The following KCNQ1 variants were observed in gnomAD, a reference collection of about 807,000 sequenced individuals.
The protein encoded by KCNQ1 is potassium voltage-gated channel subfamily Q member 1.
KCNQ1 carries 49 observed loss-of-function variants against 72.4 expected under a neutral mutation model. That is an observed-to-expected ratio of 0.68 (90% confidence interval 0.54 to 0.86). The LOEUF is 0.86. Ranked by LOEUF, KCNQ1 falls within the 40% of genes least tolerant of loss-of-function variation. KCNQ1 has a pLI of 0.00. For synonymous variants in KCNQ1, 450 were observed against 412.6 expected, an observed-to-expected ratio of 1.09 and a Z score of -1.10; for missense variants, 790 against 945.1, an observed-to-expected ratio of 0.84 and a Z score of 2.15.
chr11:2,524,316 A>G (rs1589928919), intron 1 of KCNQ1, among the ~76,000 whole-genome samples: 1 of 152,150 alleles, frequency 6.6e-6, no homozygotes, highest in South Asian at 2.1e-4. Flanking sequence ...GCCTCCAGGG[A>G]CCCCAGCCAT....
At chr11:2,589,662 C>A (rs564387938) in intron 10 of KCNQ1, among the ~76,000 whole-genome samples, 103 of 152,286 alleles carry the variant, frequency 6.8e-4, no homozygotes, top group African/African-American at 2.4e-3. Context: ...ACGGCAGGAA[C>A]ACAGCAGTGT....
intron 2 of KCNQ1, among the ~76,000 whole-genome samples, chr11:2,532,570 C>T (rs1021481705): frequency 6.6e-6 from 1 of 152,168 alleles, no homozygotes; most frequent in African/African-American, 2.4e-5. Flanking sequence ...TGTACAGACA[C>T]ATCAGGGCCG....
At chr11:2,476,139 G>A (rs867090684) in intron 1 of KCNQ1, among the ~76,000 whole-genome samples, 1 of 152,154 alleles carries the variant, frequency 6.6e-6, no homozygotes, top group African/African-American at 2.4e-5. Context: ...ATCAAACTTT[G>A]TAACTTAAAA....
In KCNQ1 at chr11:2,703,468, T is replaced by C. The variant is rs574489956; in HGVS notation, c.1514+41387T>C. On this transcript the variant is annotated intron_variant, in intron 11 of 15. Coordinates refer to ENST00000155840, the MANE Select transcript of KCNQ1 (RefSeq NM_000218.3). The surrounding 1 kb of genome is among the most constrained non-coding windows in gnomAD (Gnocchi z 6.4). The stretch of plus-strand genomic sequence containing the variant: ...CTCTTTGGGGTTCAAAAGGTTCCCT[T>C]GCAAGCCTGTGCACCCGAGAGCACG... Among the ~76,000 whole-genome samples, 1 of 152,304 alleles carries C rather than the reference T, an allele frequency of 6.6e-6. No homozygotes were observed. Among genetic ancestry groups the C allele is most frequent in the Admixed American group, 6.5e-5 (1 of 15,300 alleles).
Position 2,451,863 on chromosome 11 carries a change from ACCCAGAAGCCCTTAGGATG to A in KCNQ1, c.386+6400_386+6418del, listed in dbSNP as rs1333404161. ...GCCACACCCAGAAAGCCCTCAGGAC[ACCCAGAAGCCCTTAGGATG>A]CCCAGAAGCCCTTAGGATGCTGTGG... On this transcript the variant is annotated intron_variant, in intron 1 of 15. Coordinates refer to ENST00000155840, the MANE Select transcript of KCNQ1 (RefSeq NM_000218.3). The surrounding 1 kb of genome is among the most constrained non-coding windows in gnomAD (Gnocchi z 6.4). Among the ~76,000 whole-genome samples, 4 of 152,144 alleles carry A rather than the reference ACCCAGAAGCCCTTAGGATG, an allele frequency of 2.6e-5. No homozygotes were observed. The highest frequency in any genetic ancestry group is 9.7e-5 in the African/African-American group (4 of 41,420).
rs555966605 is a variant in KCNQ1 at position 2,776,227 on chromosome 11, C to T, written c.1685+173C>T. Among the ~76,000 whole-genome samples the T allele has an allele frequency of 3.3e-3, 506 of 152,268 alleles. 3 individuals are homozygous for T. Among genetic ancestry groups the T allele is most frequent in the African/African-American group, 0.012 (482 of 41,558 alleles). ...CCTGCAGAGGGAGGGCAGCTGGCCA[C>T]GGCCACGGTTCACAGCCAGCCCACC... is the stretch of plus-strand genomic sequence containing the variant. On this transcript the variant is annotated intron_variant, in intron 13 of 15. Transcript: ENST00000155840.
At position 2,677,819 on chromosome 11, in the gene KCNQ1, G is replaced by C; in HGVS notation, c.1514+15738G>C. On this transcript the variant is annotated intron_variant, in intron 11 of 15. Coordinates refer to ENST00000155840, the MANE Select transcript of KCNQ1 (RefSeq NM_000218.3). This position sits in a 1 kb window ranked among gnomAD's most constrained non-coding sequence, Gnocchi z 4.5. ...GGATTAAAATGTTCATTTATGTTGT[G>C]ATAGATACTGCCAAATAAGGGCTGT... 2.5e-6 allele frequency: 1 copy of C among 398,392 alleles called. No homozygotes were observed. The highest frequency in any genetic ancestry group is 3.6e-5 in the East Asian group (1 of 28,038). The allele number at this position is 398,392 out of a possible 1,614,324, so 24.7% of individuals were successfully genotyped here.
chr11:2,501,222 A>G (rs1847004790), intron 1 of KCNQ1, among the ~76,000 whole-genome samples: 1 of 148,016 alleles, frequency 6.8e-6, no homozygotes, highest in Non-Finnish European at 1.5e-5. Context: ...AAAACAAGAC[A>G]AAAGATCAAC....
intron 8 of KCNQ1, 84 bp downstream of exon 8, chr11:2,585,391 C>A: frequency 8.3e-7 from 1 of 1,201,470 alleles, no homozygotes; most frequent in Non-Finnish European, 1.2e-6. Flanking sequence ...CTGTCAGAAC[C>A]ATCATTGGCC....
intron 15 of KCNQ1, among the ~76,000 whole-genome samples, chr11:2,791,218 G>A (rs1326343664): frequency 1.3e-5 from 2 of 152,234 alleles, no homozygotes; most frequent in Non-Finnish European, 2.9e-5. Flanking sequence ...CGAGCAGGAC[G>A]GTGGCCGGAG....
At chr11:2,845,020 C>A (rs1047224195) in intron 15 of KCNQ1, among the ~76,000 whole-genome samples, 2 of 152,210 alleles carry the variant, frequency 1.3e-5, no homozygotes, top group African/African-American at 4.8e-5. Context: ...ATCTGCTACG[C>A]TCTCGTAGGT....
In KCNQ1 at chr11:2,530,551, C is replaced by G. The variant is rs756971713; in HGVS notation, c.477+2533C>G. ...TGTGTACATGTGTGTATGTGAGTGC[C>G]CACATGCACGGGAATGTGTACACGC... On this transcript the variant is annotated intron_variant, in intron 2 of 15. Transcript: ENST00000155840. 4.5e-4 allele frequency among the ~76,000 whole-genome samples: 68 copies of G among 152,198 alleles called. 1 individual carries two copies. The highest frequency in any genetic ancestry group is 5.3e-4 in the Non-Finnish European group (36 of 68,024).
At position 2,697,128 on chromosome 11, in the gene KCNQ1, A is replaced by G. The variant is rs149918584; in HGVS notation, c.1514+35047A>G. The stretch of plus-strand genomic sequence containing the variant: ...CTCACAAAGATAAAGAGTTTTCCAG[A>G]GGCAGCACACCATGACCCCAGTGGA... On this transcript the variant is annotated intron_variant, in intron 11 of 15. Transcript: ENST00000155840. 28 of 398,634 alleles carry G rather than the reference A, an allele frequency of 7.0e-5. 1 individual carries two copies. The East Asian group carries it at 1.0e-3, about 14-fold the overall frequency. 24.7% of individuals were successfully genotyped at this position (398,634 alleles called of 1,614,324 possible).
intron 10 of KCNQ1, chr11:2,614,042 C>CTA: frequency 2.5e-6 from 1 of 398,590 alleles, no homozygotes; most frequent in Non-Finnish European, 4.4e-6. Flanking sequence ...TGTGACTGTG[C>CTA]TATAACCTTT....
rs1848692578 is a variant in KCNQ1 at position 2,593,228 on chromosome 11, C to T, written c.1393+4374C>T. Among the ~76,000 whole-genome samples the T allele has an allele frequency of 2.0e-5, 3 of 152,316 alleles. No individual in the cohort carries two copies. Among genetic ancestry groups the T allele is most frequent in the South Asian group, 2.1e-4 (1 of 4,822 alleles). ...GGCAGGTTGTCAGAGTAGGGCTGGCCGGAGGTGGCCTCCTGAATGCCCCTA... is the reference window on the plus strand; with the variant it reads ...GGCAGGTTGTCAGAGTAGGGCTGGCTGGAGGTGGCCTCCTGAATGCCCCTA... On this transcript the variant is annotated intron_variant, in intron 10 of 15. Coordinates refer to ENST00000155840, the MANE Select transcript of KCNQ1 (RefSeq NM_000218.3). The surrounding 1 kb of genome is among the most constrained non-coding windows in gnomAD (Gnocchi z 6.9).
rs1488219740 is a variant in KCNQ1 at position 2,683,680 on chromosome 11, G to A, written c.1514+21599G>A. ...TACTTTCCCATCTCAATACAACTGTGAAAAGCCTAGCCTGGGACTCAGGCC... is the reference window on the plus strand; with the variant it reads ...TACTTTCCCATCTCAATACAACTGTAAAAAGCCTAGCCTGGGACTCAGGCC... On this transcript the variant is annotated intron_variant, in intron 11 of 15. Coordinates refer to ENST00000155840, the MANE Select transcript of KCNQ1 (RefSeq NM_000218.3). The surrounding 1 kb of genome is among the most constrained non-coding windows in gnomAD (Gnocchi z 4.7). 7.5e-6 allele frequency: 3 copies of A among 398,486 alleles called. No individual in the cohort carries two copies. Among genetic ancestry groups the A allele is most frequent in the Non-Finnish European group, 1.3e-5 (3 of 226,084 alleles). 24.7% of individuals were successfully genotyped at this position (398,486 alleles called of 1,614,324 possible). A position where few individuals can be genotyped will look rare whatever the true frequency, so the allele number is the denominator to read the frequency against.
At chr11:2,774,450 G>A (rs966419186) in intron 12 of KCNQ1, among the ~76,000 whole-genome samples, 1 of 152,268 alleles carries the variant, frequency 6.6e-6, no homozygotes, top group African/African-American at 2.4e-5. Flanking sequence ...AGGATCTCCC[G>A]TTCAGGGCCC....
Position 2,613,507 on chromosome 11 carries a change from G to A in KCNQ1, c.1393+24653G>A, listed in dbSNP as rs1371534391. 2 of 398,494 alleles carry A rather than the reference G, an allele frequency of 5.0e-6. No homozygotes were observed. The highest frequency in any genetic ancestry group is 8.8e-6 in the Non-Finnish European group (2 of 226,042). The allele number at this position is 398,494 out of a possible 1,614,324, so 24.7% of individuals were successfully genotyped here. A position where few individuals can be genotyped will look rare whatever the true frequency, so the allele number is the denominator to read the frequency against. The stretch of plus-strand genomic sequence containing the variant: ...TCAAGCCTACCGTGCCCCTGAGCTT[G>A]GGTGGGGAGATGGCAGCCCCACGTT... On this transcript the variant is annotated intron_variant, in intron 10 of 15. Coordinates refer to ENST00000155840, the MANE Select transcript of KCNQ1 (RefSeq NM_000218.3). The surrounding 1 kb of genome is among the most constrained non-coding windows in gnomAD (Gnocchi z 4.8).
chr11:2,742,261 C>G (rs1372238700), intron 11 of KCNQ1, among the ~76,000 whole-genome samples: 1 of 152,218 alleles, frequency 6.6e-6, no homozygotes, highest in Non-Finnish European at 1.5e-5. Flanking sequence ...GAATCAGCCT[C>G]TATGAGATGG....
Sources: allele counts gnomAD v4.1 joint callset (sites outside exome capture counted in the v4.1 genomes callset), GRCh38; gene constraint gnomAD v4.1.1; non-coding constraint Gnocchi (gnomAD v3.1); transcripts MANE v1.5; gene names NCBI Gene and HGNC (gene_info 2026-07-23, HGNC 2026-07-21).